ZMPSTE24: variants seen among roughly 807,000 people sequenced by gnomAD.
ZMPSTE24 encodes the protein CAAX prenyl protease 1 homolog.
In ZMPSTE24, 48 loss-of-function variants were observed where a neutral mutation model predicts 56.7. The ratio of observed to expected loss-of-function variants is 0.85; its 90% CI spans 0.67 to 1.08. The LOEUF (loss-of-function observed/expected upper bound fraction) is 1.08. Among genes scored for constraint, ZMPSTE24 ranks in the 50% least tolerant of loss-of-function variants. The pLI is 0.00. For missense variants in ZMPSTE24, 503 were observed against 548.7 expected (o/e 0.92, Z 0.83); for synonymous variants, 172 against 195.2 (o/e 0.88, Z 0.99).
Position 40,293,775 on chromosome 1 carries a change from C to G in ZMPSTE24, c.*1106C>G, listed in dbSNP as rs1299006122. On this transcript the variant is annotated 3_prime_UTR_variant, in exon 10 of 10. Transcript: ENST00000372759. ...GAAAACAAATGTCATGAATGATTTC[C>G]AGTTTTTAAAGCTATATGTTTCACT... is the stretch of plus-strand genomic sequence containing the variant. 6.6e-6 allele frequency: 1 copy of G among 152,104 alleles called. No individual in the cohort carries two copies. Among genetic ancestry groups the G allele is most frequent in the African/African-American group, 2.4e-5 (1 of 41,426 alleles). 9.4% of individuals were successfully genotyped at this position (152,104 alleles called of 1,614,324 possible).
chr1:40,259,330 A>AT (rs1333860452), intron 1 of ZMPSTE24: 2 of 151,918 alleles, frequency 1.3e-5, no homozygotes, highest in Non-Finnish European at 2.9e-5. Context: ...TTTAATCTTT[A>AT]TTTATTTATT....
intron 2 of ZMPSTE24, 147 bp downstream of exon 2, chr1:40,261,132 G>A (rs1051785517): frequency 1.0e-6 from 1 of 992,206 alleles, no homozygotes. Context: ...GAGCAAAAAA[G>A]ACAGAAACAT....
intron 8 of ZMPSTE24, among the ~76,000 whole-genome samples, chr1:40,286,701 G>A (rs1471359096): frequency 4.3e-4 from 63 of 145,236 alleles, no homozygotes; most frequent in Non-Finnish European, 6.8e-4. Flanking sequence ...GATTATAGGC[G>A]TGAACCACTG....
In ZMPSTE24 at chr1:40,281,434, C is replaced by T. The variant is rs370823306; in HGVS notation, c.861C>T (p.Tyr287=). The part of the protein sequence containing the change: ...IVLFDTLLEE[Y]SVLNKDIQED... ...TGTTTGACACTCTACTAGAAGAGTA[C>T]TCTGTACTAAACAAAGACATCCAGG... Residue 287 remains tyrosine, a synonymous_variant, in exon 7 of 10, where the codon TAC becomes TAT. Coordinates refer to ENST00000372759, the MANE Select transcript of ZMPSTE24 (RefSeq NM_005857.5). The T allele has an allele frequency of 9.3e-6, 15 of 1,614,002 alleles. No homozygotes were observed. In the Admixed American group the frequency reaches 1.5e-4, roughly 16 times the overall value.
At chr1:40,268,255 A>G (rs1307152741) in intron 3 of ZMPSTE24, among the ~76,000 whole-genome samples, 164 bp from the exon 4 acceptor site, 1 of 152,214 alleles carries the variant, frequency 6.6e-6, no homozygotes, top group Non-Finnish European at 1.5e-5. Context: ...TACTTCTCTC[A>G]AAAGTAAACT....
chr1:40,288,002 C>A (rs956785970), intron 8 of ZMPSTE24, among the ~76,000 whole-genome samples: 2 of 151,922 alleles, frequency 1.3e-5, no homozygotes, highest in Admixed American at 1.3e-4. Flanking sequence ...CATAGCGAGA[C>A]CCCCTTCTCT....
At position 40,294,048 on chromosome 1, in the gene ZMPSTE24, TCCTATG is replaced by T. The variant is rs1643865287; in HGVS notation, c.*1381_*1386del. The T allele has an allele frequency of 6.5e-6, 1 of 152,680 alleles. No homozygotes were observed. The highest frequency in any genetic ancestry group is 2.1e-4 in the South Asian group (1 of 4,838). 9.5% of individuals were successfully genotyped at this position (152,680 alleles called of 1,614,324 possible). On this transcript the variant is annotated 3_prime_UTR_variant, in exon 10 of 10. Coordinates refer to ENST00000372759, the MANE Select transcript of ZMPSTE24 (RefSeq NM_005857.5). Reference sequence around the variant, plus strand: ...TTTTCCTAAGGCTAAAGAGGAGCAGTCCTATGCTTTTATTCAGCATCCTTTATCTGT... The same window carrying T: ...TTTTCCTAAGGCTAAAGAGGAGCAGTCTTTTATTCAGCATCCTTTATCTGT...
Position 40,290,947 on chromosome 1 carries a change from C to G in ZMPSTE24, c.1153C>G (p.Leu385Val), listed in dbSNP as rs917000899. 1.9e-6 allele frequency: 3 copies of G among 1,613,936 alleles called. No individual in the cohort carries two copies. Among genetic ancestry groups the G allele is most frequent in the South Asian group, 1.1e-5 (1 of 91,092 alleles). ...TGGTTTTTATGATAGCCAACCCACT[C>G]TTATTGGACTATTGATCATCTTCCA... ...AFGFYDSQPTLIGLLIIFQFI... is the reference protein window; with the variant it reads ...AFGFYDSQPTVIGLLIIFQFI... The change falls in exon 9 of 10, where the codon CTT becomes GTT. Residue 385 changes from leucine (L) to valine (V), a missense_variant. By Grantham distance (32) the Leu-to-Val change is conservative. Coordinates refer to ENST00000372759, the MANE Select transcript of ZMPSTE24 (RefSeq NM_005857.5).
chr1:40,288,862 T>C (rs1015439005), intron 8 of ZMPSTE24, among the ~76,000 whole-genome samples: 1 of 152,156 alleles, frequency 6.6e-6, no homozygotes, highest in African/African-American at 2.4e-5. Context: ...GCCAATAAAT[T>C]AGGATATATA....
chr1:40,269,741 C>T (rs1643594113), intron 4 of ZMPSTE24, among the ~76,000 whole-genome samples: 1 of 152,168 alleles, frequency 6.6e-6, no homozygotes, highest in Admixed American at 6.5e-5. Context: ...GCTGGAATTA[C>T]AGTTGTGAGC....
At chr1:40,270,237 G>A (rs1569630615) in intron 5 of ZMPSTE24, 110 bp downstream of exon 5, 1 of 1,242,860 alleles carries the variant, frequency 8.0e-7, no homozygotes, top group Non-Finnish European at 1.2e-6. Context: ...ATATAAATAG[G>A]TGCTTATATA....
intron 7 of ZMPSTE24, among the ~76,000 whole-genome samples, chr1:40,285,093 TTTATTATTATTA>T (rs148578925): frequency 6.9e-6 from 1 of 144,688 alleles, no homozygotes; most frequent in Admixed American, 6.9e-5. Flanking sequence ...GCCTGGCTAA[TTTATTATTATTA>T]TTATTATTAT....
At chr1:40,268,625 TATTTCAGAGTATGA>T in intron 4 of ZMPSTE24, 90 bp downstream of exon 4, 3 of 859,730 alleles carry the variant, frequency 3.5e-6, no homozygotes, top group Non-Finnish European at 5.4e-6. Context: ...CATAATTTAC[TATTTCAGAGTATGA>T]ATTGAGAAAA....
intron 6 of ZMPSTE24, among the ~76,000 whole-genome samples, chr1:40,280,281 C>G (rs1032632352): frequency 2.6e-5 from 4 of 152,142 alleles, no homozygotes; most frequent in African/African-American, 9.7e-5. Context: ...GCTCTCATCT[C>G]CTTTGCAAAC....
intron 6 of ZMPSTE24, among the ~76,000 whole-genome samples, chr1:40,278,584 A>AAAAAAAAAAAAAAAAT: frequency 6.7e-6 from 1 of 150,198 alleles, no homozygotes; most frequent in Non-Finnish European, 1.5e-5. Context: ...AAAAAAAAAA[A>AAAAAAAAAAAAAAAAT]AAGAATATCT....
chr1:40,266,542 G>C (rs977601834), intron 2 of ZMPSTE24, among the ~76,000 whole-genome samples: 6 of 152,098 alleles, frequency 3.9e-5, no homozygotes, highest in Non-Finnish European at 8.8e-5. Flanking sequence ...GCCTTCTCCT[G>C]TGAAAGCCGG....
chr1:40,290,784 A>G, intron 8 of ZMPSTE24, 70 bp from the exon 9 acceptor site: 1 of 1,577,948 alleles, frequency 6.3e-7, no homozygotes, highest in Non-Finnish European at 8.7e-7. Context: ...CTTATACTTT[A>G]TGGATGCTAC....
intron 8 of ZMPSTE24, among the ~76,000 whole-genome samples, chr1:40,290,090 C>G (rs1049621547): frequency 1.1e-4 from 17 of 152,202 alleles, no homozygotes; most frequent in Admixed American, 1.0e-3. Flanking sequence ...AAAAGTGAAA[C>G]TAAAAACTAC....
chr1:40,282,840 A>G (rs1325580724), intron 7 of ZMPSTE24, among the ~76,000 whole-genome samples: 1 of 152,240 alleles, frequency 6.6e-6, no homozygotes, highest in Non-Finnish European at 1.5e-5. Context: ...AACAACAAAA[A>G]TGTCTCAGAA....
Sources: allele counts gnomAD v4.1 joint callset (sites outside exome capture counted in the v4.1 genomes callset), GRCh38; gene constraint gnomAD v4.1.1; transcripts MANE v1.5; gene names NCBI Gene and HGNC (gene_info 2026-07-23, HGNC 2026-07-21).